Variants in PDE4D observed in about 807,000 individuals in gnomAD.
The protein encoded by PDE4D is 3',5'-cyclic-AMP phosphodiesterase 4D.
PDE4D carries 24 observed loss-of-function variants against 87.4 expected under a neutral mutation model. The ratio of observed to expected loss-of-function variants is 0.27; its 90% confidence interval spans 0.20 to 0.39. PDE4D has a LOEUF of 0.39. PDE4D is among the 10% of genes least tolerant of loss of function. The pLI, the probability that PDE4D is intolerant of heterozygous loss-of-function variation, is 1.00. For synonymous variants in PDE4D, 384 were observed against 383.2 expected (o/e 1.00, Z -0.02); for missense variants, 714 against 1,041.0 (o/e 0.69, Z 4.32).
chr5:59,799,918 T>G (rs1766920380), intron 1 of PDE4D, among the ~76,000 whole-genome samples: 2 of 152,216 alleles, frequency 1.3e-5, no homozygotes, highest in South Asian at 4.1e-4. Context: ...TGTACTTCCC[T>G]AGAACACATC....
chr5:59,734,017 T>C (rs946516641), intron 1 of PDE4D, among the ~76,000 whole-genome samples: 1 of 152,118 alleles, frequency 6.6e-6, no homozygotes, highest in African/African-American at 2.4e-5. Context: ...TATCATAAAC[T>C]TCTATTTAAT....
At chr5:60,436,084 A>G (rs990803867) in intron 1 of PDE4D, among the ~76,000 whole-genome samples, 1 of 152,098 alleles carries the variant, frequency 6.6e-6, no homozygotes, top group African/African-American at 2.4e-5. Flanking sequence ...CTTTTCAGGT[A>G]GCATTTCTTT....
intron 1 of PDE4D, among the ~76,000 whole-genome samples, chr5:59,477,204 G>A (rs1335617309): frequency 6.6e-6 from 1 of 151,758 alleles, no homozygotes; most frequent in African/African-American, 2.4e-5. Context: ...TTGTTTAATT[G>A]TACTGAGCAG....
At chr5:59,201,454 TC>T (rs1412902420) in intron 2 of PDE4D, among the ~76,000 whole-genome samples, 1 of 152,142 alleles carries the variant, frequency 6.6e-6, no homozygotes, top group Non-Finnish European at 1.5e-5. Context: ...TAATGTTCAC[TC>T]TGACAAATTA....
At chr5:60,161,885 A>G (rs539187365) in intron 2 of PDE4D, among the ~76,000 whole-genome samples, 1 of 152,158 alleles carries the variant, frequency 6.6e-6, no homozygotes, top group African/African-American at 2.4e-5. Flanking sequence ...GAGAAAACTG[A>G]GATGCAATGA....
intron 1 of PDE4D, chr5:59,529,372 G>T (rs745863874): frequency 7.5e-6 from 2 of 266,744 alleles, no homozygotes; most frequent in Non-Finnish European, 1.5e-5. Context: ...AAGATTCACA[G>T]GTAGGAGCAA....
At chr5:59,588,369 T>C (rs1825487022) in intron 1 of PDE4D, among the ~76,000 whole-genome samples, 1 of 152,156 alleles carries the variant, frequency 6.6e-6, no homozygotes, top group Non-Finnish European at 1.5e-5. Flanking sequence ...ACTTAAATGG[T>C]ATTTGTTTGA....
chr5:59,152,243 A>T lies in PDE4D; in HGVS notation c.808+28352T>A, dbSNP rs972070835. ...CTTAGCACAGTGTTTGGCACACAGA[A>T]TTGTTATTATTGAGGTTAAAAGAGA... On this transcript the variant is annotated intron_variant, in intron 5 of 14. Transcript: ENST00000340635. Among the ~76,000 whole-genome samples, 12 of 152,300 alleles carry T rather than the reference A, an allele frequency of 7.9e-5. No homozygotes were observed. In the South Asian group the frequency reaches 2.5e-3, roughly 32 times the overall value.
At chr5:60,426,317 T>C (rs1743708915) in intron 1 of PDE4D, among the ~76,000 whole-genome samples, 1 of 152,220 alleles carries the variant, frequency 6.6e-6, no homozygotes, top group Admixed American at 6.5e-5. Context: ...TAAGAAAATG[T>C]GGCACATATA....
intron 2 of PDE4D, among the ~76,000 whole-genome samples, chr5:60,102,977 CAAAA>C (rs201088621): frequency 8.1e-6 from 1 of 122,872 alleles, no homozygotes; most frequent in Non-Finnish European, 1.8e-5. Context: ...GAAGAAATGA[CAAAA>C]AAAAAAAAAC....
chr5:59,443,830 C>T (rs1446854869), intron 1 of PDE4D, among the ~76,000 whole-genome samples: 1 of 152,086 alleles, frequency 6.6e-6, no homozygotes, highest in African/African-American at 2.4e-5. Context: ...CCTTTTCTCT[C>T]TCTTGACCTT....
chr5:59,626,571 T>C (rs1383791487), intron 1 of PDE4D, among the ~76,000 whole-genome samples: 2 of 152,200 alleles, frequency 1.3e-5, no homozygotes, highest in Non-Finnish European at 2.9e-5. Flanking sequence ...AGCTTTTTTA[T>C]AACAGTGAGA....
At chr5:59,603,464 A>G (rs186819248) in intron 1 of PDE4D, among the ~76,000 whole-genome samples, 230 of 152,192 alleles carry the variant, frequency 1.5e-3, no homozygotes, top group African/African-American at 5.2e-3. Context: ...CATACTTGTT[A>G]GAATGGCTAT....
chr5:60,250,996 T>C (rs1748377290), intron 1 of PDE4D, among the ~76,000 whole-genome samples: 2 of 151,974 alleles, frequency 1.3e-5, no homozygotes, highest in Non-Finnish European at 2.9e-5. Flanking sequence ...TATGTGTATT[T>C]GTATCTTAGT....
At chr5:59,861,008 G>A (rs148984216) in intron 1 of PDE4D, among the ~76,000 whole-genome samples, 36 of 150,620 alleles carry the variant, frequency 2.4e-4, no homozygotes, top group African/African-American at 8.8e-4. Flanking sequence ...ACAGGCACCC[G>A]AACACCACAC....
chr5:59,901,819 G>A (rs184898830), intron 3 of PDE4D, among the ~76,000 whole-genome samples: 7 of 151,906 alleles, frequency 4.6e-5, no homozygotes, highest in Admixed American at 1.3e-4. Context: ...TATACTGCTG[G>A]TGGTAAAACA....
At chr5:60,039,862 CA>C (rs901768219) in intron 2 of PDE4D, among the ~76,000 whole-genome samples, 77 of 152,252 alleles carry the variant, frequency 5.1e-4, no homozygotes, top group Non-Finnish European at 3.1e-4. Flanking sequence ...TTTTGAAGAG[CA>C]AAAAATAAAC....
intron 1 of PDE4D, among the ~76,000 whole-genome samples, chr5:59,850,091 T>C (rs955200882): frequency 2.0e-5 from 3 of 152,052 alleles, no homozygotes; most frequent in African/African-American, 7.2e-5. Flanking sequence ...ATATCCAAAC[T>C]TCCTTTGTCC....
chr5:59,371,716 A>G (rs141484539), intron 1 of PDE4D, among the ~76,000 whole-genome samples: 1 of 152,218 alleles, frequency 6.6e-6, no homozygotes. Context: ...TTAGAAAAAG[A>G]TAAGTTTCGG....
Sources: gnomAD v4.1 joint callset for allele counts (sites outside exome capture counted in the v4.1 genomes callset) on GRCh38, gnomAD v4.1.1 for gene constraint, MANE v1.5 for transcripts, NCBI Gene and HGNC (gene_info 2026-07-23, HGNC 2026-07-21) for gene names.